DENND1A: variants seen among roughly 807,000 people sequenced by gnomAD.
DENND1A encodes the protein DENN domain-containing protein 1A.
DENND1A carries 51 observed loss-of-function variants against 113.7 expected under a neutral mutation model. That is an observed-to-expected ratio of 0.45 (90% CI 0.36 to 0.57). The LOEUF is 0.57. Among genes scored for constraint, DENND1A ranks in the 20% least tolerant of loss-of-function variants. The probability of loss-of-function intolerance (pLI) is 0.00; values close to 1 mark genes in which losing one functional copy is unlikely to be tolerated. For missense variants in DENND1A, 1,258 were observed against 1,395.9 expected (o/e 0.90, Z 1.57); for synonymous variants, 565 against 570.8 (o/e 0.99, Z 0.14).
chr9:123,390,987 G>A (rs1376158561), intron 21 of DENND1A, among the ~76,000 whole-genome samples: 6 of 152,380 alleles, frequency 3.9e-5, no homozygotes, highest in African/African-American at 9.6e-5. Context: ...ACCCAGGAGC[G>A]AGGAACCTCT....
At chr9:123,845,081 A>G (rs1842389860) in intron 2 of DENND1A, among the ~76,000 whole-genome samples, 1 of 151,990 alleles carries the variant, frequency 6.6e-6, no homozygotes, top group African/African-American at 2.4e-5. Context: ...TTAGCTGGGC[A>G]TGCTGGCACG....
chr9:123,902,186 CACACACACACACACACACACAT>C (rs1272601609), intron 1 of DENND1A, among the ~76,000 whole-genome samples: 95 of 151,344 alleles, frequency 6.3e-4, no homozygotes, highest in African/African-American at 2.3e-3. Context: ...CACACACACA[CACACACACACACACACACACAT>C]ACACACACAC....
intron 19 of DENND1A, among the ~76,000 whole-genome samples, chr9:123,418,486 G>A (rs928928431): frequency 1.1e-4 from 16 of 152,206 alleles, no homozygotes; most frequent in South Asian, 2.1e-4. Context: ...AGGGGAAGGC[G>A]CGTTGGAATA....
At chr9:123,865,898 G>C (rs1320948143) in intron 2 of DENND1A, among the ~76,000 whole-genome samples, 2 of 152,056 alleles carry the variant, frequency 1.3e-5, no homozygotes, top group Non-Finnish European at 2.9e-5. Flanking sequence ...CTATATTTTG[G>C]GGGCATTTTG....
At chr9:123,783,544 T>G (rs1423063973) in intron 3 of DENND1A, among the ~76,000 whole-genome samples, 1 of 152,152 alleles carries the variant, frequency 6.6e-6, no homozygotes, top group East Asian at 1.9e-4. Context: ...TCTAAGCACT[T>G]CACACATTTT....
At chr9:123,720,278 A>C (rs2067246332) in intron 5 of DENND1A, among the ~76,000 whole-genome samples, 1 of 152,100 alleles carries the variant, frequency 6.6e-6, no homozygotes, top group African/African-American at 2.4e-5. Flanking sequence ...GGGCAGCGGG[A>C]GTGAGGGATG....
intron 9 of DENND1A, among the ~76,000 whole-genome samples, chr9:123,637,933 GCACA>G (rs1185018176): frequency 9.5e-5 from 7 of 74,068 alleles, no homozygotes; most frequent in South Asian, 5.7e-4. Context: ...ACACACACAC[GCACA>G]CACACACACA....
At chr9:123,695,485 T>C (rs1369006635) in intron 5 of DENND1A, among the ~76,000 whole-genome samples, 1 of 123,278 alleles carries the variant, frequency 8.1e-6, no homozygotes. Flanking sequence ...CATTGAGTTT[T>C]ATATATATAT....
At chr9:123,486,438 C>T (rs1818803825) in intron 13 of DENND1A, among the ~76,000 whole-genome samples, 1 of 152,064 alleles carries the variant, frequency 6.6e-6, no homozygotes, top group Non-Finnish European at 1.5e-5. Flanking sequence ...CTAGCCCAGC[C>T]CTGGAATCTT....
intron 5 of DENND1A, among the ~76,000 whole-genome samples, chr9:123,703,079 T>C (rs577801871): frequency 4.6e-5 from 7 of 152,196 alleles, no homozygotes; most frequent in Non-Finnish European, 1.0e-4. Flanking sequence ...CCTCCTGGGT[T>C]CAAGTGATTC....
chr9:123,476,919 G>A (rs984275467), intron 13 of DENND1A, among the ~76,000 whole-genome samples: 2 of 152,142 alleles, frequency 1.3e-5, no homozygotes, highest in Non-Finnish European at 1.5e-5. Flanking sequence ...ATAAGAGGGC[G>A]GTGGCTCTAC....
At chr9:123,465,562 T>C (rs750539458) in intron 13 of DENND1A, among the ~76,000 whole-genome samples, 4 of 152,188 alleles carry the variant, frequency 2.6e-5, no homozygotes, top group Non-Finnish European at 4.4e-5. Context: ...AAACAGATGA[T>C]AAACAAATAG....
chr9:123,533,432 T>C (rs1370050708), intron 13 of DENND1A, among the ~76,000 whole-genome samples: 1 of 152,064 alleles, frequency 6.6e-6, no homozygotes, highest in African/African-American at 2.4e-5. Flanking sequence ...GCATTCTGAG[T>C]TTTAGAACAG....
chr9:123,500,943 T>C (rs1039057224), intron 13 of DENND1A, among the ~76,000 whole-genome samples: 1 of 152,232 alleles, frequency 6.6e-6, no homozygotes, highest in African/African-American at 2.4e-5. Flanking sequence ...AAGATACATA[T>C]AGCATAAAAT....
intron 13 of DENND1A, among the ~76,000 whole-genome samples, chr9:123,524,485 T>A (rs1448009683): frequency 6.6e-6 from 1 of 151,856 alleles, no homozygotes. Context: ...CAACAGTGAG[T>A]GGTGGCCAAC....
At chr9:123,486,597 G>A (rs1456408431) in intron 13 of DENND1A, among the ~76,000 whole-genome samples, 1 of 152,126 alleles carries the variant, frequency 6.6e-6, no homozygotes, top group African/African-American at 2.4e-5. Flanking sequence ...TGGAAAGTTG[G>A]CACCAACTAA....
intron 5 of DENND1A, among the ~76,000 whole-genome samples, chr9:123,738,967 G>A (rs2068780986): frequency 6.6e-6 from 1 of 152,176 alleles, no homozygotes; most frequent in South Asian, 2.1e-4. Context: ...TTGTTCACAA[G>A]CATGCATATG....
intron 10 of DENND1A, among the ~76,000 whole-genome samples, chr9:123,627,965 T>A (rs2061315544): frequency 1.3e-5 from 2 of 151,932 alleles, no homozygotes; most frequent in Admixed American, 6.5e-5. Flanking sequence ...AGAAACAGTT[T>A]AAAGAACAGG....
intron 21 of DENND1A, among the ~76,000 whole-genome samples, chr9:123,396,190 T>C (rs541550505): frequency 1.3e-5 from 2 of 152,248 alleles, no homozygotes; most frequent in Admixed American, 1.3e-4. Context: ...GTGCCTACTG[T>C]GGGCCTTTTC....
Sources: allele counts gnomAD v4.1 joint callset (sites outside exome capture counted in the v4.1 genomes callset), GRCh38; gene constraint gnomAD v4.1.1; transcripts MANE v1.5; gene names NCBI Gene and HGNC (gene_info 2026-07-23, HGNC 2026-07-21).